The following CARS1 variants were observed in gnomAD, a reference collection of about 807,000 sequenced individuals.
The protein encoded by CARS1 is cysteine--tRNA ligase, cytoplasmic.
In CARS1, 48 loss-of-function variants were observed where a neutral mutation model predicts 106.2. The ratio of observed to expected loss-of-function variants is 0.45; its 90% CI spans 0.36 to 0.57. CARS1 has a LOEUF of 0.57. Ranked by LOEUF, CARS1 falls within the 20% of genes least tolerant of loss-of-function variation. CARS1 has a pLI of 0.00. For missense variants in CARS1, 968 were observed against 1,057.2 expected (o/e 0.92, Z 1.17); for synonymous variants, 409 against 403.4 (o/e 1.01, Z -0.17).
At position 3,050,284 on chromosome 11, in the gene CARS1, C is replaced by A. The variant is rs113173110; in HGVS notation, c.26-2283G>T. Among the ~76,000 whole-genome samples the A allele has an allele frequency of 4.2e-3, 640 of 152,184 alleles. 6 individuals carry two copies. Among genetic ancestry groups the A allele is most frequent in the Non-Finnish European group, 5.3e-3 (360 of 67,988 alleles). ...AACTTGCCCTGCTTCCTTCCCACTGCACGGAGCCACTGTCCCATCTGACCC... is the reference window on the plus strand; with the variant it reads ...AACTTGCCCTGCTTCCTTCCCACTGAACGGAGCCACTGTCCCATCTGACCC... On this transcript the variant is annotated intron_variant, in intron 1 of 22. Coordinates refer to ENST00000380525, the MANE Select transcript of CARS1 (RefSeq NM_001014437.3). This position sits in a 1 kb window ranked among gnomAD's most constrained non-coding sequence, Gnocchi z 6.3.
chr11:3,051,383 G>A (rs1399638989), intron 1 of CARS1, among the ~76,000 whole-genome samples: 1 of 152,182 alleles, frequency 6.6e-6, no homozygotes. Context: ...GACACTGCCG[G>A]GGCTTCCCTC....
chr11:3,018,927 G>T (rs1229629268), intron 12 of CARS1, among the ~76,000 whole-genome samples, 178 bp from the exon 13 acceptor site: 1 of 152,212 alleles, frequency 6.6e-6, no homozygotes, highest in African/African-American at 2.4e-5. Context: ...TAACACAACT[G>T]GTTCAAATCC....
chr11:3,030,999 C>T lies in CARS1; in HGVS notation c.802-1556G>A, dbSNP rs1187303134. The T allele has an allele frequency of 1.3e-5, 2 of 152,058 alleles. No individual in the cohort carries two copies. Among genetic ancestry groups the T allele is most frequent in the Non-Finnish European group, 2.9e-5 (2 of 68,040 alleles). 9.4% of individuals were successfully genotyped at this position (152,058 alleles called of 1,614,324 possible). Reference sequence around the variant, plus strand: ...ATTTTATGAAAGACAGGTTAGGAGACACGGAGAAGGATGAGATGAAATGAT... The same window carrying T: ...ATTTTATGAAAGACAGGTTAGGAGATACGGAGAAGGATGAGATGAAATGAT... On this transcript the variant is annotated intron_variant, in intron 7 of 22. Transcript: ENST00000380525. This position sits in a 1 kb window ranked among gnomAD's most constrained non-coding sequence, Gnocchi z 5.7.
chr11:3,015,902 G>T, intron 16 of CARS1, 53 bp from the exon 17 acceptor site: 1 of 1,464,372 alleles, frequency 6.8e-7, no homozygotes, highest in Non-Finnish European at 9.6e-7. Context: ...AAGGCGGCAT[G>T]TGGCGAGCAG....
chr11:3,039,754 A>G lies in CARS1; in HGVS notation c.552+81T>C, dbSNP rs1003949588. 14 of 688,400 alleles carry G rather than the reference A, an allele frequency of 2.0e-5. No homozygotes were observed. Among genetic ancestry groups the G allele is most frequent in the African/African-American group, 2.0e-4 (11 of 54,160 alleles). The allele number at this position is 688,400 out of a possible 1,614,324, so 42.6% of individuals were successfully genotyped here. ...AAAACACAAGCTAGCTCAAGCCTAC[A>G]TTATTTACTTATGCGAAAGTTCTAT... is the stretch of plus-strand genomic sequence containing the variant. On this transcript the variant is annotated intron_variant, in intron 5 of 22. Coordinates refer to ENST00000380525, the MANE Select transcript of CARS1 (RefSeq NM_001014437.3). The surrounding 1 kb of genome is among the most constrained non-coding windows in gnomAD (Gnocchi z 5.6).
At chr11:3,018,083 C>A in intron 14 of CARS1, 129 bp from the exon 15 acceptor site, 1 of 649,846 alleles carries the variant, frequency 1.5e-6, no homozygotes, top group Non-Finnish European at 2.7e-6. Context: ...CACAAGTGGT[C>A]AGAAAGAAAG....
Position 3,012,138 on chromosome 11 carries a change from C to T in CARS1, c.2068+57G>A, listed in dbSNP as rs1276143080. The stretch of plus-strand genomic sequence containing the variant: ...TAGTGCCTCGGGGGAGACGCCCGGT[C>T]CGGGGAGCCCAGTGAGGGGAGTGGC... On this transcript the variant is annotated intron_variant, in intron 18 of 22. Coordinates refer to ENST00000380525, the MANE Select transcript of CARS1 (RefSeq NM_001014437.3). The T allele has an allele frequency of 2.7e-6, 4 of 1,482,498 alleles. No homozygotes were observed. The African/African-American group carries it at 5.5e-5, about 21-fold the overall frequency. The allele number at this position is 1,482,498 out of a possible 1,614,324, so 91.8% of individuals were successfully genotyped here. A position where few individuals can be genotyped will look rare whatever the true frequency, so the allele number is the denominator to read the frequency against.
At chr11:3,027,073 TG>T in intron 9 of CARS1, 4 of 346,682 alleles carry the variant, frequency 1.2e-5, no homozygotes, top group South Asian at 9.0e-5. Context: ...TGCTCAGGGC[TG>T]CTGCCGTCCT....
At chr11:3,051,979 A>G (rs1380534217) in intron 1 of CARS1, among the ~76,000 whole-genome samples, 3 of 152,262 alleles carry the variant, frequency 2.0e-5, no homozygotes, top group East Asian at 1.9e-4. Context: ...TGGAGAGACC[A>G]CCAGCAACAG....
intron 18 of CARS1, among the ~76,000 whole-genome samples, chr11:3,011,638 G>A (rs889637844): frequency 1.3e-5 from 2 of 152,060 alleles, no homozygotes; most frequent in Non-Finnish European, 2.9e-5. Flanking sequence ...ACAAAAAGAT[G>A]AAGGAATGGC....
Position 3,037,036 on chromosome 11 carries a change from C to T in CARS1, c.801+1014G>A, listed in dbSNP as rs1853735429. ...AAAAAAAAAAAGAATATTAGTGGAA[C>T]AACTGGGAAAAAAATTACAGCAGCA... is the stretch of plus-strand genomic sequence containing the variant. On this transcript the variant is annotated intron_variant, in intron 7 of 22. Coordinates refer to ENST00000380525, the MANE Select transcript of CARS1 (RefSeq NM_001014437.3). The surrounding 1 kb of genome is among the most constrained non-coding windows in gnomAD (Gnocchi z 5.9). Among the ~76,000 whole-genome samples, 1 of 151,414 alleles carries T rather than the reference C, an allele frequency of 6.6e-6. No individual in the cohort carries two copies. Among genetic ancestry groups the T allele is most frequent in the African/African-American group, 2.4e-5 (1 of 41,164 alleles).
At chr11:3,016,087 C>T (rs755331839) in intron 16 of CARS1, among the ~76,000 whole-genome samples, 2 of 152,140 alleles carry the variant, frequency 1.3e-5, no homozygotes, top group African/African-American at 4.8e-5. Flanking sequence ...GCCACTGGAG[C>T]CCAACAACAA....
chr11:3,039,848 T>G lies in CARS1; in HGVS notation c.539A>C (p.Asp180Ala). ...FDVFYCMNIT[D>A]IDDKIIKRAR... is the part of the protein sequence containing the mutation. ...AATTCCCTTTACCTTGTCATCAATA[T>G]CCGTAATGTTCATGCAATAAAAGAC... Residue 180 changes from aspartate to alanine, a missense_variant, in exon 5 of 23, where the codon GAT (aspartate) becomes GCT (alanine). Physicochemically the swap from Asp to Ala is moderately radical, Grantham distance 126. Transcript: ENST00000380525. The surrounding 1 kb of genome is among the most constrained non-coding windows in gnomAD (Gnocchi z 5.6). 1 of 1,527,822 alleles carries G rather than the reference T, an allele frequency of 6.5e-7. No individual in the cohort carries two copies. The highest frequency in any genetic ancestry group is 9.0e-7 in the Non-Finnish European group (1 of 1,117,180). 94.6% of individuals were successfully genotyped at this position (1,527,822 alleles called of 1,614,324 possible). A position where few individuals can be genotyped will look rare whatever the true frequency, so the allele number is the denominator to read the frequency against.
chr11:3,026,903 G>C, intron 9 of CARS1, 106 bp from the exon 10 acceptor site: 1 of 1,300,402 alleles, frequency 7.7e-7, no homozygotes, highest in Middle Eastern at 1.9e-4. Context: ...TGCGAAATCT[G>C]TGGCCTATCT....
rs766961757 is a variant in CARS1 at position 3,003,113 on chromosome 11, G to A, written c.2218-513C>T. ...CCACTCCAACCAGCAGGCAGCACCC[G>A]GGCAGGGGCGAGGACAGTCTGATGC... is the stretch of plus-strand genomic sequence containing the variant. On this transcript the variant is annotated intron_variant, in intron 20 of 22. Transcript: ENST00000380525. The surrounding 1 kb of genome is among the most constrained non-coding windows in gnomAD (Gnocchi z 4.8). Among the ~76,000 whole-genome samples, 31 of 152,200 alleles carry A rather than the reference G, an allele frequency of 2.0e-4. No homozygotes were observed. The highest frequency in any genetic ancestry group is 5.9e-4 in the Admixed American group (9 of 15,284).
chr11:3,018,869 G>T, intron 12 of CARS1, 120 bp from the exon 13 acceptor site: 1 of 1,352,010 alleles, frequency 7.4e-7, no homozygotes, highest in Non-Finnish European at 1.0e-6. Context: ...TTTTCCAGGT[G>T]GTGCAGGCAG....
At position 3,021,780 on chromosome 11, in the gene CARS1, C is replaced by G. The variant is rs1214071632; in HGVS notation, c.1154-1448G>C. Among the ~76,000 whole-genome samples the G allele has an allele frequency of 6.6e-6, 1 of 152,200 alleles. No homozygotes were observed. Among genetic ancestry groups the G allele is most frequent in the South Asian group, 2.1e-4 (1 of 4,828 alleles). ...AGATCTATCCACCAACACGGAAGGC[C>G]GCTGTCCTGGCTTCCTTCTACCTCC... On this transcript the variant is annotated intron_variant, in intron 10 of 22. Coordinates refer to ENST00000380525, the MANE Select transcript of CARS1 (RefSeq NM_001014437.3). The surrounding 1 kb of genome is among the most constrained non-coding windows in gnomAD (Gnocchi z 5.3).
In CARS1 at chr11:3,029,821, T is replaced by C; in HGVS notation, c.802-378A>G. The C allele has an allele frequency of 4.6e-6, 1 of 217,242 alleles. No homozygotes were observed. The highest frequency in any genetic ancestry group is 9.1e-6 in the Non-Finnish European group (1 of 109,540). 13.5% of individuals were successfully genotyped at this position (217,242 alleles called of 1,614,324 possible). On this transcript the variant is annotated intron_variant, in intron 7 of 22. Transcript: ENST00000380525. The surrounding 1 kb of genome is among the most constrained non-coding windows in gnomAD (Gnocchi z 5.9). ...AGTGTGTCACCTACAGCACAACCCCTTGGTGCATTCAGGAAAAGATTCATG... is the reference window on the plus strand; with the variant it reads ...AGTGTGTCACCTACAGCACAACCCCCTGGTGCATTCAGGAAAAGATTCATG...
At chr11:3,036,708 C>T (rs576895288) in intron 7 of CARS1, among the ~76,000 whole-genome samples, 13 of 152,218 alleles carry the variant, frequency 8.5e-5, no homozygotes, top group Admixed American at 6.5e-4. Context: ...GGAACCCAAA[C>T]AGATATTTGT....
Sources: allele counts gnomAD v4.1 joint callset (sites outside exome capture counted in the v4.1 genomes callset), GRCh38; gene constraint gnomAD v4.1.1; non-coding constraint Gnocchi (gnomAD v3.1); transcripts MANE v1.5; gene names NCBI Gene and HGNC (gene_info 2026-07-23, HGNC 2026-07-21).